UHRF2: variants seen among roughly 807,000 people sequenced by gnomAD.
The protein encoded by UHRF2 is ubiquitin like with PHD and ring finger domains 2.
UHRF2 carries 23 observed loss-of-function variants against 96.8 expected under a neutral mutation model. That is an observed-to-expected ratio of 0.24 (90% CI 0.17 to 0.34). The LOEUF is 0.34. UHRF2 is among the 10% of genes least tolerant of loss of function. UHRF2 has a pLI of 1.00. For synonymous variants in UHRF2, 385 were observed against 332.6 expected (o/e 1.16, Z -1.72); for missense variants, 685 against 981.5 (o/e 0.70, Z 4.04).
In UHRF2 at chr9:6,498,604, C is replaced by T. The variant is rs530438606; in HGVS notation, c.1908+446C>T. 418 of 154,670 alleles carry T rather than the reference C, an allele frequency of 2.7e-3. 2 individuals are homozygous for T. The highest frequency in any genetic ancestry group is 8.9e-3 in the African/African-American group (368 of 41,550). The allele number at this position is 154,670 out of a possible 1,614,324, so 9.6% of individuals were successfully genotyped here. On this transcript the variant is annotated intron_variant, in intron 12 of 15. Coordinates refer to ENST00000276893, the MANE Select transcript of UHRF2 (RefSeq NM_152896.3). ...TCCTCACCCCTTTTCTCTCTTCCCC[C>T]GCAAAGCTGCTTCCCTGCCCTGCCA...
intron 2 of UHRF2, among the ~76,000 whole-genome samples, chr9:6,425,381 G>A (rs1406109362): frequency 6.6e-6 from 1 of 152,094 alleles, no homozygotes; most frequent in Non-Finnish European, 1.5e-5. Flanking sequence ...ACTACAACAT[G>A]CTTCAGGTAC....
chr9:6,470,763 C>G (rs1194617761), intron 4 of UHRF2, among the ~76,000 whole-genome samples: 4 of 152,004 alleles, frequency 2.6e-5, no homozygotes, highest in Admixed American at 1.3e-4. Context: ...TTTGCACAGT[C>G]CAATCTCTAA....
At chr9:6,428,572 G>T (rs1587774450) in intron 2 of UHRF2, among the ~76,000 whole-genome samples, 2 of 34,366 alleles carry the variant, frequency 5.8e-5, no homozygotes, top group South Asian at 8.8e-4. Context: ...TTTTTTTTTT[G>T]AACGATCTCA....
At chr9:6,481,050 A>G (rs138123864) in intron 6 of UHRF2, among the ~76,000 whole-genome samples, 58 of 152,306 alleles carry the variant, frequency 3.8e-4, no homozygotes, top group African/African-American at 1.4e-3. Context: ...CTGTAGACGT[A>G]TACCTTGCTT....
At chr9:6,480,870 C>T (rs1441538914) in intron 6 of UHRF2, among the ~76,000 whole-genome samples, 1 of 152,128 alleles carries the variant, frequency 6.6e-6, no homozygotes, top group Admixed American at 6.5e-5. Context: ...ATTGGATTGA[C>T]TTGTGGGCAT....
intron 14 of UHRF2, among the ~76,000 whole-genome samples, chr9:6,503,985 C>A (rs1816442472): frequency 7.6e-6 from 1 of 131,708 alleles, no homozygotes; most frequent in East Asian, 2.5e-4. Flanking sequence ...AGTTAAAAAT[C>A]AAGAGTACTT....
chr9:6,501,457 CT>C (rs1816288694), intron 14 of UHRF2, among the ~76,000 whole-genome samples: 1 of 152,144 alleles, frequency 6.6e-6, no homozygotes, highest in South Asian at 2.1e-4. Flanking sequence ...TATGTCTTTT[CT>C]ATCTAGGCTG....
At chr9:6,461,517 C>T (rs1220626790) in intron 4 of UHRF2, among the ~76,000 whole-genome samples, 6 of 151,404 alleles carry the variant, frequency 4.0e-5, no homozygotes, top group African/African-American at 1.2e-4. Flanking sequence ...GGACTACAGG[C>T]GTATGACACC....
intron 9 of UHRF2, among the ~76,000 whole-genome samples, chr9:6,489,575 C>T (rs923502870): frequency 1.3e-5 from 2 of 152,174 alleles, no homozygotes; most frequent in African/African-American, 2.4e-5. Flanking sequence ...CACCAGCATT[C>T]GCTGTTGTTG....
rs984865139 is a variant in UHRF2 at position 6,498,013 on chromosome 9, T to A, written c.1768-5T>A. ...TCAAACTGGCACTGAAATATTGTGA[T>A]TTAGGTGGTGAAATACTGGCCAGAG... On this transcript the variant is annotated splice_polypyrimidine_tract_variant and splice_region_variant and intron_variant, in intron 11 of 15. Coordinates refer to ENST00000276893, the MANE Select transcript of UHRF2 (RefSeq NM_152896.3). 17 of 1,612,108 alleles carry A rather than the reference T, an allele frequency of 1.1e-5. No homozygotes were observed. The highest frequency in any genetic ancestry group is 1.3e-5 in the Non-Finnish European group (15 of 1,179,782).
rs557945823 is a variant in UHRF2 at position 6,494,806 on chromosome 9, T to G, written c.1604+874T>G. 2.6e-5 allele frequency: 4 copies of G among 152,334 alleles called. No homozygotes were observed. In the East Asian group the frequency reaches 7.7e-4, roughly 29 times the overall value. 9.4% of individuals were successfully genotyped at this position (152,334 alleles called of 1,614,324 possible). ...AAGTAGTGTCCCCTTAATTTCTGAT[T>G]ACTGTGTGATGTAAAGAATATACCA... On this transcript the variant is annotated intron_variant, in intron 10 of 15. Coordinates refer to ENST00000276893, the MANE Select transcript of UHRF2 (RefSeq NM_152896.3).
At chr9:6,487,182 C>T (rs548813249) in intron 9 of UHRF2, among the ~76,000 whole-genome samples, 35 of 69,586 alleles carry the variant, frequency 5.0e-4, no homozygotes, top group African/African-American at 1.1e-3. Flanking sequence ...TTTTTTTTTC[C>T]TTTTTTTTTT....
intron 3 of UHRF2, among the ~76,000 whole-genome samples, chr9:6,445,103 C>T (rs1359714547): frequency 1.6e-5 from 2 of 122,432 alleles, no homozygotes; most frequent in Non-Finnish European, 3.2e-5. Flanking sequence ...CCAGCTTGGA[C>T]TACATAGCAA....
intron 3 of UHRF2, among the ~76,000 whole-genome samples, chr9:6,455,649 C>T (rs200728620): frequency 9.2e-5 from 14 of 152,100 alleles, no homozygotes; most frequent in Non-Finnish European, 2.1e-4. Flanking sequence ...TGGACTGTTA[C>T]TGATTTCTTT....
At chr9:6,438,804 G>C (rs906722645) in intron 3 of UHRF2, among the ~76,000 whole-genome samples, 1 of 152,142 alleles carries the variant, frequency 6.6e-6, no homozygotes, top group East Asian at 1.9e-4. Flanking sequence ...AACAGAATTC[G>C]TTGCTGAATT....
At chr9:6,466,702 C>G (rs1023501698) in intron 4 of UHRF2, among the ~76,000 whole-genome samples, 5 of 152,028 alleles carry the variant, frequency 3.3e-5, no homozygotes, top group African/African-American at 9.7e-5. Context: ...AGAATATATA[C>G]TTAATATGCA....
rs779714101 is a variant in UHRF2, at chr9:6,477,710, T to G, written c.1062T>G (p.His354Gln). 4 of 1,614,016 alleles carry G rather than the reference T, an allele frequency of 2.5e-6. No homozygotes were observed. Among genetic ancestry groups the G allele is most frequent in the South Asian group, 1.1e-5 (1 of 91,082 alleles). The stretch of plus-strand genomic sequence containing the variant: ...CCTGTCGTGTATGTGGTGGGAAACA[T>G]GAACCCAACATGCAGCTTCTGTGTG... Reference protein sequence around the residue: ...SCSCRVCGGKHEPNMQLLCDE... With the variant: ...SCSCRVCGGKQEPNMQLLCDE... Residue 354 changes from histidine (H) to glutamine (Q), a missense_variant, in exon 6 of 16, where the codon CAT (histidine) becomes CAG (glutamine). Transcript: ENST00000276893.
intron 3 of UHRF2, among the ~76,000 whole-genome samples, chr9:6,445,964 CT>C (rs1162867908): frequency 5.6e-5 from 3 of 53,298 alleles, no homozygotes; most frequent in African/African-American, 1.6e-4. Context: ...GGTAAATACT[CT>C]TCCCCCCCCG....
At chr9:6,486,694 C>T (rs901527238) in intron 8 of UHRF2, 127 bp from the exon 9 acceptor site, 1 of 801,894 alleles carries the variant, frequency 1.2e-6, no homozygotes, top group Non-Finnish European at 1.9e-6. Flanking sequence ...AATGAGAGAG[C>T]AAAAGATAGA....
Sources: allele counts gnomAD v4.1 joint callset (sites outside exome capture counted in the v4.1 genomes callset), GRCh38; gene constraint gnomAD v4.1.1; transcripts MANE v1.5; gene names NCBI Gene and HGNC (gene_info 2026-07-23, HGNC 2026-07-21).